CDH1: variants seen among roughly 807,000 people sequenced by gnomAD.
The protein encoded by CDH1 is cadherin 1, also known as cadherin-1.
CDH1 carries 35 observed loss-of-function variants against 84.5 expected under a neutral mutation model. The observed-to-expected ratio is 0.41, with a 90% CI of 0.32 to 0.55. The LOEUF (loss-of-function observed/expected upper bound fraction) is 0.55, where lower values mean the gene tolerates loss of function less well. Ranked by LOEUF, CDH1 falls within the 20% of genes least tolerant of loss-of-function variation. The pLI is 0.19. For synonymous variants in CDH1, 417 were observed against 439.0 expected (o/e 0.95, Z 0.63); for missense variants, 994 against 1,126.6 (o/e 0.88, Z 1.68).
chr16:68,751,883 C>A (rs1962890859), intron 2 of CDH1, among the ~76,000 whole-genome samples: 1 of 152,000 alleles, frequency 6.6e-6, no homozygotes, highest in South Asian at 2.1e-4. Flanking sequence ...CTCACTGCAA[C>A]CTCAGACTCC....
intron 2 of CDH1, among the ~76,000 whole-genome samples, chr16:68,741,845 A>G (rs1333185584): frequency 6.6e-6 from 1 of 151,954 alleles, no homozygotes; most frequent in Non-Finnish European, 1.5e-5. Flanking sequence ...ATGCCTTTGT[A>G]TTTTTAGTAG....
chr16:68,738,289 C>T lies in CDH1; in HGVS notation c.49-8C>T, dbSNP rs774761552. 36 of 1,532,426 alleles carry T rather than the reference C, an allele frequency of 2.3e-5. No homozygotes were observed. The highest frequency in any genetic ancestry group is 3.2e-5 in the Non-Finnish European group (36 of 1,129,598). 94.9% of individuals were successfully genotyped at this position (1,532,426 alleles called of 1,614,324 possible). On this transcript the variant is annotated splice_polypyrimidine_tract_variant and splice_region_variant and intron_variant, in intron 1 of 15. Transcript: ENST00000261769. ...CACCCGGTTCCATCTACCTTTCCCC[C>T]ACCCCAGGTCTCCTCTTGGCTCTGC...
intron 2 of CDH1, among the ~76,000 whole-genome samples, chr16:68,768,378 C>A (rs996898670): frequency 6.6e-6 from 1 of 152,198 alleles, no homozygotes; most frequent in Non-Finnish European, 1.5e-5. Context: ...AGATCAGTTG[C>A]GTAATTAGGT....
chr16:68,776,693 C>G (rs892158171), intron 2 of CDH1, among the ~76,000 whole-genome samples: 2 of 152,216 alleles, frequency 1.3e-5, no homozygotes, highest in South Asian at 4.1e-4. Flanking sequence ...TATATTGCAG[C>G]TTTTAAAGAA....
Position 68,834,020 on chromosome 16 carries a change from A to C in CDH1, c.*521A>C. The C allele has an allele frequency of 5.6e-6, 2 of 359,292 alleles. No individual in the cohort carries two copies. The highest frequency in any genetic ancestry group is 1.1e-5 in the Non-Finnish European group (2 of 190,292). The allele number at this position is 359,292 out of a possible 1,614,324, so 22.3% of individuals were successfully genotyped here. A position where few individuals can be genotyped will look rare whatever the true frequency, so the allele number is the denominator to read the frequency against. On this transcript the variant is annotated 3_prime_UTR_variant, in exon 16 of 16. Coordinates refer to ENST00000261769, the MANE Select transcript of CDH1 (RefSeq NM_004360.5). The stretch of plus-strand genomic sequence containing the variant: ...CGGCCAGGCTGGAGTGCAGTGGTGC[A>C]ATCACAGCTCACTGCAGCCTTGTCC...
rs753886948 is a variant in CDH1, at chr16:68,808,442, C to A, written c.406C>A (p.Gln136Lys). ...CTTTTAGGCCTCCGTTTCTGGAATC[C>A]AAGCAGAATTGCTCACATTTCCCAA... ...PPHQASVSGI[Q>K]AELLTFPNSS... The change falls in exon 4 of 16, where the codon CAA becomes AAA. Residue 136 changes from glutamine to lysine, a missense_variant. Coordinates refer to ENST00000261769, the MANE Select transcript of CDH1 (RefSeq NM_004360.5). 8.1e-6 allele frequency: 13 copies of A among 1,614,082 alleles called. No homozygotes were observed. In the South Asian group the frequency reaches 1.4e-4, roughly 18 times the overall value.
rs546648384 is a variant in CDH1 at position 68,823,319 on chromosome 16, T to C, written c.1937-80T>C. ...TCACTCGGCTTGCGGGTGTCTTTAG[T>C]TCACTAGCAATTTTATTCTGGAATG... On this transcript the variant is annotated intron_variant, in intron 12 of 15. Transcript: ENST00000261769. The C allele has an allele frequency of 6.9e-6, 7 of 1,008,516 alleles. No homozygotes were observed. The African/African-American group carries it at 9.5e-5, about 14-fold the overall frequency. The allele number at this position is 1,008,516 out of a possible 1,614,324, so 62.5% of individuals were successfully genotyped here. A position where few individuals can be genotyped will look rare whatever the true frequency, so the allele number is the denominator to read the frequency against.
intron 13 of CDH1, among the ~76,000 whole-genome samples, chr16:68,826,035 G>A (rs1023898346): frequency 2.0e-5 from 3 of 151,938 alleles, no homozygotes; most frequent in African/African-American, 7.3e-5. Context: ...GCCCAGGCTG[G>A]TCTCAAACTC....
chr16:68,809,927 C>T (rs969134515), intron 5 of CDH1, among the ~76,000 whole-genome samples: 13 of 152,152 alleles, frequency 8.5e-5, no homozygotes, highest in Admixed American at 6.5e-4. Context: ...TTTTCAGGCC[C>T]GCATCTTCAT....
chr16:68,774,445 G>C (rs1168005840), intron 2 of CDH1, among the ~76,000 whole-genome samples: 1 of 152,022 alleles, frequency 6.6e-6, no homozygotes, highest in Non-Finnish European at 1.5e-5. Context: ...GCTTGAACCC[G>C]GGAGGCAGAG....
At position 68,835,161 on chromosome 16, in the gene CDH1, G is replaced by C. The variant is rs33967108; in HGVS notation, c.*1662G>C. 4.0e-3 allele frequency: 935 copies of C among 231,446 alleles called. 12 individuals carry two copies. The highest frequency in any genetic ancestry group is 0.019 in the African/African-American group (871 of 45,320). 14.3% of individuals were successfully genotyped at this position (231,446 alleles called of 1,614,324 possible). On this transcript the variant is annotated 3_prime_UTR_variant, in exon 16 of 16. Transcript: ENST00000261769. ...TTTCTTAGGAGCAAGAAGAAAATGT[G>C]GCCCTAAAGGGGGTTAGTTGAGGGG...
At chr16:68,832,279 A>T (rs1961505081) in intron 15 of CDH1, among the ~76,000 whole-genome samples, 1 of 151,924 alleles carries the variant, frequency 6.6e-6, no homozygotes, top group African/African-American at 2.4e-5. Context: ...GTACTCCCAA[A>T]CCTAAAAGTT....
intron 3 of CDH1, among the ~76,000 whole-genome samples, chr16:68,805,390 A>G (rs7186053): frequency 0.68 from 103,945 of 151,810 alleles, 37,160 homozygotes; most frequent in African/African-American, 0.91. Flanking sequence ...TTCATTTAAC[A>G]CATGAAAATG....
chr16:68,744,962 A>G (rs1962682772), intron 2 of CDH1, among the ~76,000 whole-genome samples: 1 of 152,080 alleles, frequency 6.6e-6, no homozygotes, highest in African/African-American at 2.4e-5. Flanking sequence ...TGCACTGCAA[A>G]CAGTGACTAA....
At chr16:68,825,845 T>C (rs1961308700) in intron 13 of CDH1, among the ~76,000 whole-genome samples, 1 of 148,262 alleles carries the variant, frequency 6.7e-6, no homozygotes, top group Non-Finnish European at 1.5e-5. Flanking sequence ...GTTCTCATTC[T>C]GTGGGCCCGG....
chr16:68,745,689 G>T (rs980020176), intron 2 of CDH1, among the ~76,000 whole-genome samples: 1 of 150,140 alleles, frequency 6.7e-6, no homozygotes, highest in African/African-American at 2.5e-5. Flanking sequence ...TGCCAAAAAC[G>T]CTCTGTCCCA....
At chr16:68,739,607 G>T (rs902971718) in intron 2 of CDH1, among the ~76,000 whole-genome samples, 1 of 76,522 alleles carries the variant, frequency 1.3e-5, no homozygotes, top group South Asian at 5.4e-4. Flanking sequence ...AAGGAATAAT[G>T]ATTTTTTTTT....
rs200894246 is a variant in CDH1, at chr16:68,829,771, G to A, written c.2413G>A (p.Asp805Asn). The change falls in exon 15 of 16, where the codon GAT (aspartate) becomes AAT (asparagine). Residue 805 changes from aspartate to asparagine, a missense_variant. Physicochemically the swap from Asp to Asn is conservative, Grantham distance 23. Coordinates refer to ENST00000261769, the MANE Select transcript of CDH1 (RefSeq NM_004360.5). ...GTATCTTCCCCGCCCTGCCAATCCCGATGAAATTGGAAATTTTATTGATGA... is the reference window on the plus strand; with the variant it reads ...GTATCTTCCCCGCCCTGCCAATCCCAATGAAATTGGAAATTTTATTGATGA... ...PRYLPRPANP[D>N]EIGNFIDENL... is the part of the protein sequence containing the mutation. The A allele has an allele frequency of 2.4e-4, 394 of 1,613,730 alleles. No individual in the cohort carries two copies. Among genetic ancestry groups the A allele is most frequent in the Middle Eastern group, 4.9e-4 (3 of 6,084 alleles).
chr16:68,757,079 GTC>G (rs1457852930), intron 2 of CDH1, among the ~76,000 whole-genome samples: 1 of 152,130 alleles, frequency 6.6e-6, no homozygotes, highest in Non-Finnish European at 1.5e-5. Context: ...TGTATTTTGA[GTC>G]TCTGATTTTT....
Sources: allele counts gnomAD v4.1 joint callset (sites outside exome capture counted in the v4.1 genomes callset), GRCh38; gene constraint gnomAD v4.1.1; transcripts MANE v1.5; gene names NCBI Gene and HGNC (gene_info 2026-07-23, HGNC 2026-07-21).